Variants in C5orf46 observed in about 807,000 individuals in gnomAD.
C5orf46 encodes the protein uncharacterized protein C5orf46.
Under a neutral mutation model 8.9 loss-of-function variants are expected in C5orf46, and 9 were observed. That is an observed-to-expected ratio of 1.01 (90% CI 0.61 to 1.76). The LOEUF (loss-of-function observed/expected upper bound fraction) is 1.76, where lower values mean the gene tolerates loss of function less well. C5orf46 is among the 40% of genes most tolerant of loss of function. The probability of loss-of-function intolerance (pLI) is 0.00; values close to 1 mark genes in which losing one functional copy is unlikely to be tolerated. For synonymous variants in C5orf46, 47 were observed against 41.4 expected, an observed-to-expected ratio of 1.14 and a Z score of -0.52; for missense variants, 98 against 107.8, an observed-to-expected ratio of 0.91 and a Z score of 0.40.
chr5:147,887,486 A>G (rs1757440199), intron 2 of C5orf46: 1 of 152,164 alleles, frequency 6.6e-6, no homozygotes. Flanking sequence ...AATGACCATA[A>G]TAACAGTGAT....
chr5:147,895,135 A>G (rs1757561162), intron 3 of C5orf46, among the ~76,000 whole-genome samples: 1 of 152,148 alleles, frequency 6.6e-6, no homozygotes, highest in South Asian at 2.1e-4. Context: ...TAATTTAGGA[A>G]ATTCTGGCTG....
intron 2 of C5orf46, chr5:147,886,791 C>T (rs1757427025): frequency 6.6e-6 from 1 of 151,640 alleles, no homozygotes; most frequent in South Asian, 2.1e-4. Context: ...ATAAAAAGTG[C>T]TATAGTGAGC....
chr5:147,897,596 G>A (rs1190495118), intron 2 of C5orf46, among the ~76,000 whole-genome samples: 1 of 152,188 alleles, frequency 6.6e-6, no homozygotes, highest in Non-Finnish European at 1.5e-5. Flanking sequence ...AATATGGTTT[G>A]TGAATTGCAG....
At chr5:147,900,074 GTTC>G (rs1323233831) in intron 2 of C5orf46, among the ~76,000 whole-genome samples, 1 of 152,090 alleles carries the variant, frequency 6.6e-6, no homozygotes, top group East Asian at 1.9e-4. Flanking sequence ...AACTCTTAGT[GTTC>G]TAACTCCTTG....
chr5:147,898,549 T>A (rs1484327125), intron 2 of C5orf46, among the ~76,000 whole-genome samples: 1 of 151,882 alleles, frequency 6.6e-6, no homozygotes, highest in Admixed American at 6.6e-5. Flanking sequence ...CAGGAAAAAA[T>A]TGCAACAGAA....
At chr5:147,897,557 T>A (rs938221004) in intron 2 of C5orf46, among the ~76,000 whole-genome samples, 1 of 152,206 alleles carries the variant, frequency 6.6e-6, no homozygotes, top group Non-Finnish European at 1.5e-5. Context: ...GGTACCAGGG[T>A]ATCTGCTGAG....
chr5:147,901,528 C>T (rs1757668756), intron 2 of C5orf46, 101 bp downstream of exon 2: 1 of 1,043,456 alleles, frequency 9.6e-7, no homozygotes, highest in Non-Finnish European at 1.4e-6. Flanking sequence ...TTTACTTATG[C>T]CACAAATTTT....
chr5:147,891,017 A>G (rs1392248456), downstream of C5orf46, among the ~76,000 whole-genome samples: 5 of 152,126 alleles, frequency 3.3e-5, no homozygotes, highest in Non-Finnish European at 7.3e-5. Context: ...AAAGTTTGGG[A>G]TTTGGGACAG....
intron 1 of C5orf46, among the ~76,000 whole-genome samples, chr5:147,904,335 T>G (rs1351784379): frequency 6.6e-6 from 1 of 152,218 alleles, no homozygotes; most frequent in Non-Finnish European, 1.5e-5. Context: ...ATGACTCACC[T>G]GAAATCACTC....
downstream of C5orf46, among the ~76,000 whole-genome samples, chr5:147,889,392 T>C (rs1003342741): frequency 2.0e-5 from 3 of 152,196 alleles, no homozygotes; most frequent in Non-Finnish European, 4.4e-5. Flanking sequence ...ATCGGATTAG[T>C]GTGGGAGATT....
chr5:147,904,811 A>C (rs1456417475), intron 1 of C5orf46, among the ~76,000 whole-genome samples: 1 of 150,034 alleles, frequency 6.7e-6, no homozygotes, highest in Non-Finnish European at 1.5e-5. Context: ...ATTGAAAGAT[A>C]TTTTATATAT....
In C5orf46 at chr5:147,885,925, C is replaced by G. The variant is rs143587738; in HGVS notation, n.205-4831G>C. On this transcript the variant is annotated intron_variant and non_coding_transcript_variant, in intron 2 of 2. Transcript: ENST00000510432. ...TATTTTAGTAGCCAAAAACTGGAAACAACACAGTTGTTCTTCAGTGGATGA... is the reference window on the plus strand; with the variant it reads ...TATTTTAGTAGCCAAAAACTGGAAAGAACACAGTTGTTCTTCAGTGGATGA... Among the ~76,000 whole-genome samples the G allele has an allele frequency of 3.9e-4, 59 of 152,190 alleles. 1 individual carries two copies. The East Asian group carries it at 9.3e-3, about 24-fold the overall frequency.
chr5:147,904,614 C>A (rs1304396769), intron 1 of C5orf46, among the ~76,000 whole-genome samples: 1 of 151,940 alleles, frequency 6.6e-6, no homozygotes, highest in East Asian at 1.9e-4. Context: ...TTGGAGTGGG[C>A]GGAAATCAAA....
chr5:147,891,691 A>C (rs979658277), downstream of C5orf46, among the ~76,000 whole-genome samples: 3 of 152,222 alleles, frequency 2.0e-5, no homozygotes, highest in African/African-American at 7.2e-5. Flanking sequence ...TTGCAGCCAC[A>C]TTTGATGGGG....
At chr5:147,888,196 T>A (rs773675913), downstream of C5orf46, among the ~76,000 whole-genome samples, 1 of 152,196 alleles carries the variant, frequency 6.6e-6, no homozygotes, top group Non-Finnish European at 1.5e-5. Context: ...AATGTCTTAA[T>A]ATTCTCTTGA....
At position 147,900,433 on chromosome 5, in the gene C5orf46, T is replaced by C. The variant is rs184828560; in HGVS notation, c.215+1196A>G. Among the ~76,000 whole-genome samples the C allele has an allele frequency of 2.6e-5, 4 of 152,188 alleles. No individual in the cohort carries two copies. The East Asian group carries it at 7.7e-4, about 29-fold the overall frequency. ...GTTAAAGACCCCTTTGAAAATCTAA[T>C]AGAAGTCATGAACACTTTCCCCGGG... On this transcript the variant is annotated intron_variant, in intron 2 of 3. Coordinates refer to ENST00000318315, the MANE Select transcript of C5orf46 (RefSeq NM_206966.3).
In C5orf46 at chr5:147,895,774, A is replaced by C. The variant is rs370987155; in HGVS notation, c.*9+1210T>G. ...GAGAAGATGGGAATGAAGACATACA[A>C]ACATAAGTGACTGAGTTTAAAAGCT... On this transcript the variant is annotated intron_variant, in intron 3 of 3. Coordinates refer to ENST00000318315, the MANE Select transcript of C5orf46 (RefSeq NM_206966.3). Among the ~76,000 whole-genome samples, 352 of 152,298 alleles carry C rather than the reference A, an allele frequency of 2.3e-3. 3 individuals are homozygous for C. Among genetic ancestry groups the C allele is most frequent in the South Asian group, 0.017 (83 of 4,826 alleles).
At position 147,898,685 on chromosome 5, in the gene C5orf46, G is replaced by T. The variant is rs191582417; in HGVS notation, c.216-1644C>A. On this transcript the variant is annotated intron_variant, in intron 2 of 3. Coordinates refer to ENST00000318315, the MANE Select transcript of C5orf46 (RefSeq NM_206966.3). ...TTGGAGGGCAGGTGCATGAAGAAAAGTCAAATAAAAAGAATGAGAAAGAAT... is the reference window on the plus strand; with the variant it reads ...TTGGAGGGCAGGTGCATGAAGAAAATTCAAATAAAAAGAATGAGAAAGAAT... Among the ~76,000 whole-genome samples, 8 of 152,180 alleles carry T rather than the reference G, an allele frequency of 5.3e-5. No individual in the cohort carries two copies. The East Asian group carries it at 1.6e-3, about 30-fold the overall frequency.
At chr5:147,888,443 T>G (rs1373166203), downstream of C5orf46, among the ~76,000 whole-genome samples, 1 of 152,192 alleles carries the variant, frequency 6.6e-6, no homozygotes, top group African/African-American at 2.4e-5. Flanking sequence ...AGACTTACTT[T>G]CTTCCTTCTT....
Sources: gnomAD v4.1 joint callset for allele counts (sites outside exome capture counted in the v4.1 genomes callset) on GRCh38, gnomAD v4.1.1 for gene constraint, MANE v1.5 for transcripts, NCBI Gene and HGNC (gene_info 2026-07-23, HGNC 2026-07-21) for gene names.